ARHGAP19: variants seen among roughly 807,000 people sequenced by gnomAD.
ARHGAP19 encodes the protein rho GTPase-activating protein 19.
ARHGAP19 carries 48 observed loss-of-function variants against 60.9 expected under a neutral mutation model. That is an observed-to-expected ratio of 0.79 (90% CI 0.62 to 1.00). The LOEUF is 1.00. Ranked by LOEUF, ARHGAP19 falls within the 50% of genes least tolerant of loss-of-function variation. The pLI is 0.00. For synonymous variants in ARHGAP19, 209 were observed against 215.5 expected, an observed-to-expected ratio of 0.97 and a Z score of 0.27; for missense variants, 562 against 597.2, an observed-to-expected ratio of 0.94 and a Z score of 0.61.
At chr10:97,264,452 CAAA>C (rs11327785) in intron 3 of ARHGAP19, among the ~76,000 whole-genome samples, 46 of 138,262 alleles carry the variant, frequency 3.3e-4, no homozygotes, top group Admixed American at 4.3e-4. Flanking sequence ...GACCTTGTCT[CAAA>C]AAAAAAAAAA....
chr10:97,265,834 C>T, intron 2 of ARHGAP19, 26 bp downstream of exon 2: 2 of 1,608,204 alleles, frequency 1.2e-6, no homozygotes, highest in Non-Finnish European at 1.7e-6. Flanking sequence ...TGAGGCCTGC[C>T]CACCCTTCAC....
At chr10:97,233,518 C>T (rs958071547) in intron 9 of ARHGAP19, among the ~76,000 whole-genome samples, 5 of 152,030 alleles carry the variant, frequency 3.3e-5, no homozygotes, top group African/African-American at 9.7e-5. Flanking sequence ...AAAAGGAAGC[C>T]ATCCTCAGCA....
In ARHGAP19 at chr10:97,225,657, TAAAC is replaced by T. The variant is rs1004592337; in HGVS notation, c.*461_*464del. The T allele has an allele frequency of 2.0e-5, 3 of 153,122 alleles. No homozygotes were observed. The highest frequency in any genetic ancestry group is 4.4e-5 in the Non-Finnish European group (3 of 68,850). The allele number at this position is 153,122 out of a possible 1,614,324, so 9.5% of individuals were successfully genotyped here. ...AAACATGGCTTTTAAAACAAAGAAA[TAAAC>T]AAACAAAAACAACCAAATACCCAAT... On this transcript the variant is annotated 3_prime_UTR_variant, in exon 12 of 12. Coordinates refer to ENST00000358531, the MANE Select transcript of ARHGAP19 (RefSeq NM_032900.6).
intron 1 of ARHGAP19, among the ~76,000 whole-genome samples, chr10:97,273,449 C>T (rs1842985394): frequency 1.3e-5 from 2 of 151,514 alleles, no homozygotes; most frequent in African/African-American, 2.4e-5. Flanking sequence ...AGGCATGAGC[C>T]ACCACGCCCA....
chr10:97,245,790 C>T (rs940462755), intron 7 of ARHGAP19, among the ~76,000 whole-genome samples: 12 of 152,086 alleles, frequency 7.9e-5, no homozygotes, highest in Admixed American at 1.3e-4. Context: ...ATATGTAACA[C>T]ATTTGCTATT....
At chr10:97,278,876 C>T (rs1027477749) in intron 1 of ARHGAP19, among the ~76,000 whole-genome samples, 3 of 152,018 alleles carry the variant, frequency 2.0e-5, no homozygotes, top group Non-Finnish European at 4.4e-5. Context: ...ACTGCATACC[C>T]ACAAAACTAA....
chr10:97,279,610 G>A (rs1014757414), intron 1 of ARHGAP19, among the ~76,000 whole-genome samples: 2 of 151,878 alleles, frequency 1.3e-5, no homozygotes, highest in South Asian at 4.1e-4. Context: ...CCCCCACCTC[G>A]TCCTCCCAAG....
chr10:97,290,177 T>G (rs1216867889), intron 1 of ARHGAP19, among the ~76,000 whole-genome samples: 1 of 152,188 alleles, frequency 6.6e-6, no homozygotes, highest in East Asian at 1.9e-4. Flanking sequence ...ACTGCACTCT[T>G]CTGGTCTATG....
chr10:97,244,248 G>C, intron 7 of ARHGAP19, 89 bp from the exon 8 acceptor site: 5 of 1,060,358 alleles, frequency 4.7e-6, no homozygotes, highest in Non-Finnish European at 6.8e-6. Flanking sequence ...AAAAAAGGGA[G>C]AGTGGGGACA....
intron 1 of ARHGAP19, among the ~76,000 whole-genome samples, chr10:97,288,470 C>T (rs1843183698): frequency 4.0e-5 from 6 of 151,594 alleles, no homozygotes; most frequent in Admixed American, 3.9e-4. Context: ...GTCCCAGCTA[C>T]TTGGGAGGCT....
chr10:97,274,838 A>G (rs1248068491), intron 1 of ARHGAP19, among the ~76,000 whole-genome samples: 1 of 152,222 alleles, frequency 6.6e-6, no homozygotes, highest in Non-Finnish European at 1.5e-5. Context: ...GGCTCTGGGC[A>G]ACTATCCCAA....
chr10:97,239,103 T>C (rs1589448144), intron 8 of ARHGAP19, among the ~76,000 whole-genome samples: 1 of 152,332 alleles, frequency 6.6e-6, no homozygotes, highest in East Asian at 1.9e-4. Flanking sequence ...TCTAGGTTTA[T>C]GTAAGTACAC....
rs1243676779 is a variant in ARHGAP19, at chr10:97,225,235, G to A, written c.*887C>T. The A allele has an allele frequency of 6.6e-6, 1 of 152,188 alleles. No individual in the cohort carries two copies. Among genetic ancestry groups the A allele is most frequent in the African/African-American group, 2.4e-5 (1 of 41,436 alleles). 9.4% of individuals were successfully genotyped at this position (152,188 alleles called of 1,614,324 possible). ...TCAGTGACTTTCCTTGAGTCACAGT[G>A]ATTTGGTTCAGAAGTATTACGTTGG... On this transcript the variant is annotated 3_prime_UTR_variant, in exon 12 of 12. Coordinates refer to ENST00000358531, the MANE Select transcript of ARHGAP19 (RefSeq NM_032900.6).
At chr10:97,227,290 C>T (rs1054079704) in intron 11 of ARHGAP19, among the ~76,000 whole-genome samples, 1 of 152,122 alleles carries the variant, frequency 6.6e-6, no homozygotes, top group African/African-American at 2.4e-5. Context: ...ATGGCAGGCA[C>T]CTGGATCTGT....
rs370422691 is a variant in ARHGAP19, at chr10:97,263,527, C to T, written c.506G>A (p.Gly169Glu). 155 of 1,613,996 alleles carry T rather than the reference C, an allele frequency of 9.6e-5. No homozygotes were observed. Among genetic ancestry groups the T allele is most frequent in the Non-Finnish European group, 1.2e-4 (138 of 1,180,018 alleles). The stretch of plus-strand genomic sequence containing the variant: ...GGCAACATCATTTGAGTGAAATTCC[C>T]CTGATTCCAAGTCAATGTCAGTTCC... ...NNGTDIDLESGEFHSNDVATL... is the reference protein window; with the variant it reads ...NNGTDIDLESEEFHSNDVATL... The change falls in exon 4 of 12, where the codon GGG becomes GAG. Residue 169 changes from glycine to glutamate, a missense_variant. Transcript: ENST00000358531.
At chr10:97,233,361 T>TAAAC (rs1489779160) in intron 9 of ARHGAP19, among the ~76,000 whole-genome samples, 1 of 151,412 alleles carries the variant, frequency 6.6e-6, no homozygotes, top group Non-Finnish European at 1.5e-5. Flanking sequence ...CAAAAATAAA[T>TAAAC]AAATAAATAA....
chr10:97,266,688 C>A (rs1189741094), intron 1 of ARHGAP19, among the ~76,000 whole-genome samples: 1 of 152,106 alleles, frequency 6.6e-6, no homozygotes, highest in African/African-American at 2.4e-5. Flanking sequence ...ACTGGGGAGG[C>A]CTCACAATCA....
chr10:97,228,941 G>A, intron 11 of ARHGAP19: 1 of 679,984 alleles, frequency 1.5e-6, no homozygotes. Flanking sequence ...TGTGTTCACA[G>A]CTCTACCCTT....
intron 7 of ARHGAP19, 56 bp from the exon 8 acceptor site, chr10:97,244,215 G>GA: frequency 6.9e-7 from 1 of 1,454,390 alleles, no homozygotes; most frequent in Non-Finnish European, 9.3e-7. Context: ...TTTGTTTTGG[G>GA]GTTCTTACAA....
Sources: allele counts gnomAD v4.1 joint callset (sites outside exome capture counted in the v4.1 genomes callset), GRCh38; gene constraint gnomAD v4.1.1; transcripts MANE v1.5; gene names NCBI Gene and HGNC (gene_info 2026-07-23, HGNC 2026-07-21).